MALT1: variants seen among roughly 807,000 people sequenced by gnomAD.
MALT1 encodes the protein MALT1 paracaspase, also known as mucosa-associated lymphoid tissue lymphoma translocation protein 1.
A neutral mutation model predicts 85.5 loss-of-function variants in MALT1; 36 were observed. The ratio of observed to expected loss-of-function variants is 0.42; its 90% CI spans 0.32 to 0.56. MALT1 has a LOEUF of 0.56. Ranked by LOEUF, MALT1 falls within the 20% of genes least tolerant of loss-of-function variation. The probability of loss-of-function intolerance (pLI) is 0.10; values close to 1 mark genes in which losing one functional copy is unlikely to be tolerated. For missense variants in MALT1, 716 were observed against 981.6 expected, an observed-to-expected ratio of 0.73 and a Z score of 3.62; for synonymous variants, 359 against 361.3, an observed-to-expected ratio of 0.99 and a Z score of 0.07.
chr18:58,688,299 TACACACAC>T (rs34923643), intron 2 of MALT1, among the ~76,000 whole-genome samples: 5 of 139,668 alleles, frequency 3.6e-5, no homozygotes, highest in East Asian at 2.3e-4. Flanking sequence ...ATATATATGT[TACACACAC>T]ACACACACAC....
At position 58,749,940 on chromosome 18, in the gene MALT1, C is replaced by G. The variant is rs1268796787; in HGVS notation, c.*2098C>G. The G allele has an allele frequency of 4.8e-6, 1 of 209,360 alleles. No homozygotes were observed. Among genetic ancestry groups the G allele is most frequent in the African/African-American group, 2.3e-5 (1 of 44,000 alleles). 13.0% of individuals were successfully genotyped at this position (209,360 alleles called of 1,614,324 possible). A position where few individuals can be genotyped will look rare whatever the true frequency, so the allele number is the denominator to read the frequency against. ...TTCACTCGGCACTACTTCTATTCAG[C>G]ATTGTACTTGAAGTTCTAGCCACAG... On this transcript the variant is annotated 3_prime_UTR_variant, in exon 17 of 17. Coordinates refer to ENST00000649217, the MANE Select transcript of MALT1 (RefSeq NM_006785.4).
chr18:58,690,776 G>A (rs1443844042), intron 2 of MALT1: 7 of 207,758 alleles, frequency 3.4e-5, no homozygotes, highest in South Asian at 1.9e-4. Context: ...CTGGCTTACC[G>A]AGGCCAAGTT....
At chr18:58,735,072 C>A in intron 12 of MALT1, 130 bp from the exon 13 acceptor site, 1 of 740,610 alleles carries the variant, frequency 1.4e-6, no homozygotes, top group Non-Finnish European at 2.2e-6. Context: ...CCCACCCCCC[C>A]CCAGCCTCTG....
In MALT1 at chr18:58,750,529, A is replaced by G. The variant is rs2055432822; in HGVS notation, c.*2687A>G. 6.6e-6 allele frequency: 1 copy of G among 152,236 alleles called. No homozygotes were observed. The highest frequency in any genetic ancestry group is 2.4e-5 in the African/African-American group (1 of 41,464). The allele number at this position is 152,236 out of a possible 1,614,324, so 9.4% of individuals were successfully genotyped here. On this transcript the variant is annotated 3_prime_UTR_variant, in exon 17 of 17. Coordinates refer to ENST00000649217, the MANE Select transcript of MALT1 (RefSeq NM_006785.4). ...ACAATAAGACAGTGTAGGCATATGG[A>G]TAGACATATCGATCAGAGGAATGGA...
intron 11 of MALT1, 25 bp downstream of exon 11, chr18:58,733,599 GA>G: frequency 6.7e-7 from 1 of 1,500,056 alleles, no homozygotes; most frequent in Non-Finnish European, 9.1e-7. Flanking sequence ...CTTTATTAAA[GA>G]ATTGTTGGAG....
At chr18:58,736,352 C>T (rs1317612576) in intron 13 of MALT1, among the ~76,000 whole-genome samples, 2 of 152,054 alleles carry the variant, frequency 1.3e-5, no homozygotes. Context: ...CTGCCACCCT[C>T]CCGCTTCATC....
In MALT1 at chr18:58,748,924, G is replaced by A. The variant is rs2055410383; in HGVS notation, c.*1082G>A. On this transcript the variant is annotated 3_prime_UTR_variant, in exon 17 of 17. Transcript: ENST00000649217. ...AAAGAACACTTCCCAACTTACTCTA[G>A]GTCAGTATTACCCTGATACTAGACT... 4.8e-6 allele frequency: 1 copy of A among 207,846 alleles called. No individual in the cohort carries two copies. The highest frequency in any genetic ancestry group is 2.3e-5 in the African/African-American group (1 of 43,896). The allele number at this position is 207,846 out of a possible 1,614,324, so 12.9% of individuals were successfully genotyped here. A position where few individuals can be genotyped will look rare whatever the true frequency, so the allele number is the denominator to read the frequency against.
At chr18:58,729,502 A>G (rs1330609270) in intron 10 of MALT1, among the ~76,000 whole-genome samples, 4 of 144,350 alleles carry the variant, frequency 2.8e-5, no homozygotes, top group Admixed American at 6.7e-5. Flanking sequence ...AAAAAAAAAA[A>G]AAAGAAAAAA....
intron 10 of MALT1, among the ~76,000 whole-genome samples, chr18:58,732,762 C>CTATATATATATATATATATATATAT (rs879522631): frequency 0.044 from 6,662 of 150,272 alleles, 229 homozygotes; most frequent in East Asian, 0.18. Context: ...ATCCTAGCTG[C>CTATATATATATATATATATATATAT]ATTCTTTTTT....
chr18:58,737,079 A>G (rs2055232003), intron 13 of MALT1, among the ~76,000 whole-genome samples: 1 of 152,028 alleles, frequency 6.6e-6, no homozygotes, highest in African/African-American at 2.4e-5. Context: ...GGTGGCTCAC[A>G]CCTGTAATCC....
At chr18:58,688,722 T>C (rs2054449068) in intron 2 of MALT1, among the ~76,000 whole-genome samples, 2 of 152,120 alleles carry the variant, frequency 1.3e-5, no homozygotes, top group Non-Finnish European at 2.9e-5. Flanking sequence ...TCTCCTTGTA[T>C]AATGGCAGAG....
intron 10 of MALT1, among the ~76,000 whole-genome samples, chr18:58,727,579 G>A (rs1313119501): frequency 1.3e-5 from 2 of 148,752 alleles, no homozygotes; most frequent in African/African-American, 2.5e-5. Flanking sequence ...AAGGCCAGGC[G>A]TGAGCCACTG....
intron 2 of MALT1, among the ~76,000 whole-genome samples, chr18:58,692,677 GTC>G (rs1429578517): frequency 6.6e-6 from 1 of 152,164 alleles, no homozygotes; most frequent in African/African-American, 2.4e-5. Context: ...AGAGTCACAT[GTC>G]TCTCACTTTA....
At chr18:58,677,852 C>G (rs1382955049) in intron 1 of MALT1, among the ~76,000 whole-genome samples, 1 of 152,036 alleles carries the variant, frequency 6.6e-6, no homozygotes. Context: ...AAAAGAATAC[C>G]TAGTAAATAT....
chr18:58,676,044 T>C (rs2054234972), intron 1 of MALT1, among the ~76,000 whole-genome samples: 1 of 152,140 alleles, frequency 6.6e-6, no homozygotes, highest in African/African-American at 2.4e-5. Flanking sequence ...ACCTTCACTA[T>C]ATATATGTAG....
chr18:58,740,297 TTTC>T (rs1486870927), intron 13 of MALT1, among the ~76,000 whole-genome samples: 6 of 152,184 alleles, frequency 3.9e-5, no homozygotes, highest in Non-Finnish European at 4.4e-5. Flanking sequence ...ACTCTGTTGA[TTTC>T]TTCTACTTTT....
chr18:58,703,652 G>A (rs1300640925), intron 4 of MALT1, among the ~76,000 whole-genome samples: 1 of 152,108 alleles, frequency 6.6e-6, no homozygotes, highest in African/African-American at 2.4e-5. Flanking sequence ...TCACTGTCAC[G>A]AGAACAGCAT....
At position 58,726,615 on chromosome 18, in the gene MALT1, T is replaced by C. The variant is rs1291974443; in HGVS notation, c.1222+3364T>C. Among the ~76,000 whole-genome samples, 4 of 152,180 alleles carry C rather than the reference T, an allele frequency of 2.6e-5. No homozygotes were observed. In the South Asian group the frequency reaches 6.2e-4, roughly 24 times the overall value. On this transcript the variant is annotated intron_variant, in intron 10 of 16. Coordinates refer to ENST00000649217, the MANE Select transcript of MALT1 (RefSeq NM_006785.4). ...AGACAATAATTCAGTTTTAAACATA[T>C]GTAAACATAAAAAACAGAAACCAAA...
chr18:58,698,030 G>A (rs1217078088), intron 3 of MALT1, among the ~76,000 whole-genome samples: 2 of 47,082 alleles, frequency 4.2e-5, no homozygotes, highest in Admixed American at 2.0e-4. Context: ...GGTAGGATTC[G>A]TGGGGTTTTT....
Sources: allele counts gnomAD v4.1 joint callset (sites outside exome capture counted in the v4.1 genomes callset), GRCh38; gene constraint gnomAD v4.1.1; transcripts MANE v1.5; gene names NCBI Gene and HGNC (gene_info 2026-07-23, HGNC 2026-07-21).